LHFPL1: variants seen among roughly 807,000 people sequenced by gnomAD.
The protein encoded by LHFPL1 is LHFPL tetraspan subfamily member 1.
LHFPL1 carries 4 observed loss-of-function variants against 12.1 expected under a neutral mutation model. The ratio of observed to expected loss-of-function variants is 0.33; its 90% CI spans 0.16 to 0.76. LHFPL1 has a LOEUF of 0.76. Ranked by LOEUF, LHFPL1 falls within the 30% of genes least tolerant of loss-of-function variation. The probability of loss-of-function intolerance (pLI) is 0.61; values close to 1 mark genes in which losing one functional copy is unlikely to be tolerated. For synonymous variants in LHFPL1, 52 were observed against 61.9 expected (o/e 0.84, Z 0.75); for missense variants, 141 against 174.1 (o/e 0.81, Z 1.07).
chrX:112,664,118 T>A (rs937540258), intron 2 of LHFPL1, among the ~76,000 whole-genome samples: 8 of 112,177 alleles, frequency 7.1e-5, no homozygotes, highest in Non-Finnish European at 1.5e-4. Flanking sequence ...TAATACCTAA[T>A]GCAATGTAAA....
Position 112,672,476 on chromosome X carries a change from C to A in LHFPL1, c.-14-1072G>T, listed in dbSNP as rs774453381. 3.2e-5 allele frequency among the ~76,000 whole-genome samples: 3 copies of A among 94,469 alleles called. No individual in the cohort carries two copies. In the South Asian group the frequency reaches 1.2e-3, roughly 36 times the overall value. 82.0% of individuals were successfully genotyped at this position (94,469 alleles called of 115,157 possible). On this transcript the variant is annotated intron_variant, in intron 1 of 3. Transcript: ENST00000371968. ...TTTCTGGCCTGTTTCTCTATTGGGC[C>A]GGCTAGAGACCACACTGCAGCTTGA...
intron 3 of LHFPL1, among the ~76,000 whole-genome samples, chrX:112,639,119 T>C (rs757383443): frequency 9.0e-5 from 10 of 111,471 alleles, no homozygotes; most frequent in Non-Finnish European, 1.7e-4. Context: ...TCCACAAAGA[T>C]AAAGCAAAGC....
chrX:112,637,808 A>C (rs767320842), intron 3 of LHFPL1, among the ~76,000 whole-genome samples: 2 of 111,993 alleles, frequency 1.8e-5, no homozygotes, highest in South Asian at 7.6e-4. Flanking sequence ...GGCTAGATGA[A>C]ATGTAATGGA....
At chrX:112,672,655 G>A (rs112184324) in intron 1 of LHFPL1, among the ~76,000 whole-genome samples, 6,447 of 111,017 alleles carry the variant, frequency 0.058, 166 homozygotes, top group Middle Eastern at 0.093. Context: ...GCAGGAACTG[G>A]CTGTATGGGG....
intron 2 of LHFPL1, among the ~76,000 whole-genome samples, chrX:112,667,464 C>T (rs1399246661): frequency 8.9e-6 from 1 of 112,257 alleles, no homozygotes; most frequent in African/African-American, 3.2e-5. Flanking sequence ...GATTCTGATA[C>T]ATTCCTTGGT....
At chrX:112,678,942 T>A (rs779470052) in intron 1 of LHFPL1, among the ~76,000 whole-genome samples, 2 of 111,993 alleles carry the variant, frequency 1.8e-5, no homozygotes, top group East Asian at 5.6e-4. Flanking sequence ...CTCTGAGTTT[T>A]GGTTTCATTT....
chrX:112,675,377 AG>A (rs765552572), intron 1 of LHFPL1, among the ~76,000 whole-genome samples: 30 of 111,280 alleles, frequency 2.7e-4, no homozygotes, highest in Non-Finnish European at 4.9e-4. Context: ...AGTAGAAATG[AG>A]GGGAGGGGTT....
chrX:112,672,347 G>A (rs1419453276), intron 1 of LHFPL1, among the ~76,000 whole-genome samples: 2 of 111,570 alleles, frequency 1.8e-5, no homozygotes, highest in Non-Finnish European at 3.8e-5. Flanking sequence ...GACGCTGAGA[G>A]TCTTTCCAGA....
chrX:112,641,088 A>C (rs1930492209), intron 3 of LHFPL1, among the ~76,000 whole-genome samples: 1 of 111,383 alleles, frequency 9.0e-6, no homozygotes, highest in African/African-American at 3.3e-5. Context: ...CCATTAAATT[A>C]GCCCCATACC....
chrX:112,666,771 A>G (rs1374066750), intron 2 of LHFPL1, among the ~76,000 whole-genome samples: 4 of 112,194 alleles, frequency 3.6e-5, no homozygotes. Flanking sequence ...TGCAGTCTGC[A>G]GCACTAAGGA....
At chrX:112,633,422 C>A (rs12388189) in intron 3 of LHFPL1, among the ~76,000 whole-genome samples, 3 of 111,763 alleles carry the variant, frequency 2.7e-5, no homozygotes, top group Non-Finnish European at 5.6e-5. Flanking sequence ...CTAAAACATT[C>A]ACTGCATGTG....
intron 2 of LHFPL1, among the ~76,000 whole-genome samples, chrX:112,668,564 A>G (rs7876747): frequency 0.059 from 6,691 of 112,731 alleles, 495 homozygotes; most frequent in African/African-American, 0.2. Flanking sequence ...ACATGTGAAC[A>G]CTGTGACTAT....
rs1371267532 is a variant in LHFPL1 at position 112,667,914 on chromosome X, C to T, written c.382+3095G>A. ...TTCCTGTCTCTCCCACTTCCCACCACTCATCTCTGTGGGCAGCCGCCAAAC... is the reference window on the plus strand; with the variant it reads ...TTCCTGTCTCTCCCACTTCCCACCATTCATCTCTGTGGGCAGCCGCCAAAC... On this transcript the variant is annotated intron_variant, in intron 2 of 3. Transcript: ENST00000371968. Among the ~76,000 whole-genome samples, 7 of 110,134 alleles carry T rather than the reference C, an allele frequency of 6.4e-5. No individual in the cohort carries two copies. The Admixed American group carries it at 6.7e-4, about 11-fold the overall frequency.
At chrX:112,640,474 C>T (rs925503915) in intron 3 of LHFPL1, among the ~76,000 whole-genome samples, 2 of 111,390 alleles carry the variant, frequency 1.8e-5, no homozygotes, top group African/African-American at 6.5e-5. Context: ...AGCCAGAGTC[C>T]CTGTAGGCCT....
At chrX:112,645,312 T>A (rs1930654385) in intron 3 of LHFPL1, among the ~76,000 whole-genome samples, 2 of 112,164 alleles carry the variant, frequency 1.8e-5, no homozygotes, top group South Asian at 7.5e-4. Flanking sequence ...ATTCTACTAT[T>A]AACCTGTGCA....
chrX:112,660,854 T>C, intron 2 of LHFPL1, 129 bp from the exon 3 acceptor site: 1 of 475,791 alleles, frequency 2.1e-6, no homozygotes, highest in Non-Finnish European at 3.5e-6. Flanking sequence ...TTACCCTAAA[T>C]TTCTATGAGA....
chrX:112,644,694 C>T (rs1475075007), intron 3 of LHFPL1, among the ~76,000 whole-genome samples: 1 of 111,267 alleles, frequency 9.0e-6, no homozygotes, highest in East Asian at 2.8e-4. Context: ...AGTGAGGTGC[C>T]CAGGCAAGCT....
At chrX:112,677,930 T>C (rs1931698916) in intron 1 of LHFPL1, among the ~76,000 whole-genome samples, 1 of 110,600 alleles carries the variant, frequency 9.0e-6, no homozygotes. Flanking sequence ...TCCCTCCTTT[T>C]TTAGTTTGGG....
At chrX:112,660,868 C>G in intron 2 of LHFPL1, 143 bp from the exon 3 acceptor site, 1 of 444,709 alleles carries the variant, frequency 2.2e-6, no homozygotes, top group Non-Finnish European at 3.8e-6. Context: ...TATGAGAGTA[C>G]CAACTCAACA....
Sources: allele counts gnomAD v4.1 joint callset (sites outside exome capture counted in the v4.1 genomes callset), GRCh38; gene constraint gnomAD v4.1.1; transcripts MANE v1.5; gene names NCBI Gene and HGNC (gene_info 2026-07-23, HGNC 2026-07-21).